Variants in MSI1 observed in about 807,000 individuals in gnomAD.
MSI1 encodes the protein RNA-binding protein Musashi homolog 1.
MSI1 carries 15 observed loss-of-function variants against 54.4 expected under a neutral mutation model. The observed-to-expected ratio is 0.28, with a 90% CI of 0.18 to 0.42. The LOEUF (loss-of-function observed/expected upper bound fraction) is 0.42. Among genes scored for constraint, MSI1 ranks in the 20% least tolerant of loss-of-function variants. The pLI is 1.00. For synonymous variants in MSI1, 200 were observed against 196.5 expected, an observed-to-expected ratio of 1.02 and a Z score of -0.15; for missense variants, 304 against 506.0, an observed-to-expected ratio of 0.60 and a Z score of 3.83.
At position 120,368,314 on chromosome 12, in the gene MSI1, C is replaced by T; in HGVS notation, c.101-41G>A. 1.4e-6 allele frequency: 2 copies of T among 1,465,838 alleles called. No individual in the cohort carries two copies. The highest frequency in any genetic ancestry group is 2.4e-5 in the Admixed American group (1 of 42,206). The allele number at this position is 1,465,838 out of a possible 1,614,324, so 90.8% of individuals were successfully genotyped here. ...CGCCTTCGGACCAGCCCGGGCCCCG[C>T]GCCCTTCCCCCCCCCCCGTCCTTTG... On this transcript the variant is annotated intron_variant, in intron 2 of 14. Transcript: ENST00000257552. The surrounding 1 kb of genome is among the most constrained non-coding windows in gnomAD (Gnocchi z 6.6).
chr12:120,353,886 T>C (rs1874851632), intron 9 of MSI1, among the ~76,000 whole-genome samples: 1 of 152,236 alleles, frequency 6.6e-6, no homozygotes, highest in Non-Finnish European at 1.5e-5. Flanking sequence ...CATCTTCCCA[T>C]AGGTGTCCTC....
In MSI1 at chr12:120,354,142, T is replaced by C. The variant is rs375646638; in HGVS notation, c.653-763A>G. On this transcript the variant is annotated intron_variant, in intron 9 of 14. Transcript: ENST00000257552. ...TGTGACTACAAGGTGTGTGCTGCTATGCCTGGCTAATTTTTAATTTTTTTG... is the reference window on the plus strand; with the variant it reads ...TGTGACTACAAGGTGTGTGCTGCTACGCCTGGCTAATTTTTAATTTTTTTG... Among the ~76,000 whole-genome samples, 4 of 152,052 alleles carry C rather than the reference T, an allele frequency of 2.6e-5. No homozygotes were observed. In the South Asian group the frequency reaches 8.3e-4, roughly 32 times the overall value.
In MSI1 at chr12:120,368,512, G is replaced by A. The variant is rs1876172043; in HGVS notation, c.101-239C>T. Among the ~76,000 whole-genome samples, 1 of 152,054 alleles carries A rather than the reference G, an allele frequency of 6.6e-6. No individual in the cohort carries two copies. The highest frequency in any genetic ancestry group is 2.1e-4 in the South Asian group (1 of 4,832). On this transcript the variant is annotated intron_variant, in intron 2 of 14. Coordinates refer to ENST00000257552, the MANE Select transcript of MSI1 (RefSeq NM_002442.4). This position sits in a 1 kb window ranked among gnomAD's most constrained non-coding sequence, Gnocchi z 6.6. ...GCTGGAAGGGGGACGGCTCCGGCCG[G>A]GTTCCCGCCGCTCCGGGAGCAGCCT...
Position 120,357,027 on chromosome 12 carries a change from G to A in MSI1, c.535-8C>T, listed in dbSNP as rs1433047632. 1.4e-5 allele frequency: 22 copies of A among 1,612,058 alleles called. No homozygotes were observed. Among genetic ancestry groups the A allele is most frequent in the Non-Finnish European group, 1.8e-5 (21 of 1,178,176 alleles). On this transcript the variant is annotated splice_region_variant and splice_polypyrimidine_tract_variant and intron_variant, in intron 8 of 14. Transcript: ENST00000257552. ...AGCTTTCTTACATTCCACCTGCAAT[G>A]AGACCTGGCGGTTAGTCTTTCCCAC...
At chr12:120,350,099 G>A (rs537444833) in intron 11 of MSI1, among the ~76,000 whole-genome samples, 11 of 152,164 alleles carry the variant, frequency 7.2e-5, no homozygotes, top group African/African-American at 2.4e-4. Flanking sequence ...ATGGCTCACC[G>A]CAGCCTTCAC....
chr12:120,346,067 C>T (rs188177542), intron 13 of MSI1, 68 bp downstream of exon 13: 17,464 of 1,355,960 alleles, frequency 0.013, 151 homozygotes, highest in Non-Finnish European at 0.015. Flanking sequence ...AGTTCTCTCC[C>T]TTCCCCAACT....
intron 11 of MSI1, among the ~76,000 whole-genome samples, chr12:120,349,739 G>A (rs932091877): frequency 6.6e-6 from 1 of 152,250 alleles, no homozygotes; most frequent in African/African-American, 2.4e-5. Flanking sequence ...CCCAAGCACT[G>A]TTGATCTTGT....
Position 120,347,484 on chromosome 12 carries a change from G to A in MSI1, c.821C>T (p.Ala274Val), listed in dbSNP as rs138291229. 3.8e-5 allele frequency: 61 copies of A among 1,614,104 alleles called. No homozygotes were observed. Among genetic ancestry groups the A allele is most frequent in the African/African-American group, 6.7e-5 (5 of 75,054 alleles). The change falls in exon 12 of 15, where the codon GCG becomes GTG. Residue 274 changes from alanine (A) to valine (V), a missense_variant. Physicochemically the swap from Ala to Val is moderately conservative, Grantham distance 64. Coordinates refer to ENST00000257552, the MANE Select transcript of MSI1 (RefSeq NM_002442.4). ...AIPLTAYGPM[A>V]AAAAAAAVVR... is the part of the protein sequence containing the mutation. ...CACAGCCGCTGCCGCCGCTGCCGCCGCCATTGGTCCGTAGGCAGTGAGAGG... is the reference window on the plus strand; with the variant it reads ...CACAGCCGCTGCCGCCGCTGCCGCCACCATTGGTCCGTAGGCAGTGAGAGG...
chr12:120,363,549 C>T (rs1332915219), intron 5 of MSI1, among the ~76,000 whole-genome samples: 1 of 151,154 alleles, frequency 6.6e-6, no homozygotes, highest in Non-Finnish European at 1.5e-5. Flanking sequence ...AGCCTCCTCC[C>T]AACACAACCT....
intron 8 of MSI1, among the ~76,000 whole-genome samples, chr12:120,357,305 T>A (rs1201597025): frequency 6.6e-6 from 1 of 152,158 alleles, no homozygotes; most frequent in Non-Finnish European, 1.5e-5. Flanking sequence ...AGGGAGGTCA[T>A]CTGCCTGATT....
chr12:120,353,451 G>A lies in MSI1; in HGVS notation c.653-72C>T. ...ATCCTGATCATGGAGAAGGACCTGA[G>A]CCACTCATGTCCCCTCACCTTCCTT... On this transcript the variant is annotated intron_variant, in intron 9 of 14. Transcript: ENST00000257552. 5 of 1,330,944 alleles carry A rather than the reference G, an allele frequency of 3.8e-6. No homozygotes were observed. In the South Asian group the frequency reaches 5.9e-5, roughly 16 times the overall value. 82.4% of individuals were successfully genotyped at this position (1,330,944 alleles called of 1,614,324 possible).
intron 6 of MSI1, among the ~76,000 whole-genome samples, chr12:120,360,823 CCTT>C (rs780170793): frequency 2.9e-4 from 22 of 75,074 alleles, no homozygotes; most frequent in Non-Finnish European, 4.8e-4. Context: ...ATGAAAGACA[CCTT>C]TTTTTTTTTT....
At chr12:120,364,476 T>C (rs1299311587) in intron 5 of MSI1, among the ~76,000 whole-genome samples, 1 of 151,896 alleles carries the variant, frequency 6.6e-6, no homozygotes, top group Non-Finnish European at 1.5e-5. Flanking sequence ...AGCTCCCCTT[T>C]CTCCCAACAC....
intron 4 of MSI1, among the ~76,000 whole-genome samples, chr12:120,367,774 C>A (rs1159775355): frequency 6.6e-6 from 1 of 151,988 alleles, no homozygotes; most frequent in East Asian, 1.9e-4. Context: ...CCTCTCCCCT[C>A]ACCAGGACTA....
intron 14 of MSI1, 94 bp downstream of exon 14, chr12:120,345,465 ACTGTGGTTCTT>A: frequency 1.1e-6 from 1 of 950,782 alleles, no homozygotes; most frequent in South Asian, 1.4e-5. Context: ...CTCCCCTGGG[ACTGTGGTTCTT>A]GAGGGCAGGG....
chr12:120,361,415 C>T (rs1325262106), intron 6 of MSI1: 2 of 152,300 alleles, frequency 1.3e-5, no homozygotes, highest in Non-Finnish European at 2.9e-5. Context: ...CTGGAGAGGC[C>T]CCTAGTGGGA....
Position 120,368,150 on chromosome 12 carries a change from G to A in MSI1, c.182+42C>T. 1 of 1,584,474 alleles carries A rather than the reference G, an allele frequency of 6.3e-7. No individual in the cohort carries two copies. Among genetic ancestry groups the A allele is most frequent in the Non-Finnish European group, 8.6e-7 (1 of 1,164,982 alleles). Reference sequence around the variant, plus strand: ...TACAAGGCAGTGAGTGGCGGGTGGAGGGGGGCGAGCCGGGAGCAGGAGGAG... The same window carrying A: ...TACAAGGCAGTGAGTGGCGGGTGGAAGGGGGCGAGCCGGGAGCAGGAGGAG... On this transcript the variant is annotated intron_variant, in intron 3 of 14. Transcript: ENST00000257552. This position sits in a 1 kb window ranked among gnomAD's most constrained non-coding sequence, Gnocchi z 6.6.
rs7132232 is a variant in MSI1, at chr12:120,365,090, T to C, written c.268-335A>G. Among the ~76,000 whole-genome samples the C allele has an allele frequency of 9.8e-4, 149 of 152,208 alleles. 1 individual carries two copies. Among genetic ancestry groups the C allele is most frequent in the African/African-American group, 3.4e-3 (143 of 41,534 alleles). ...CACACCCAGCTAATTTTTGTATTTT[T>C]AGTAGAGACGGGGTTTCACCATGTT... is the stretch of plus-strand genomic sequence containing the variant. On this transcript the variant is annotated intron_variant, in intron 4 of 14. Coordinates refer to ENST00000257552, the MANE Select transcript of MSI1 (RefSeq NM_002442.4).
chr12:120,346,052 A>T, intron 13 of MSI1, 83 bp downstream of exon 13: 1 of 1,254,360 alleles, frequency 8.0e-7, no homozygotes, highest in Non-Finnish European at 1.1e-6. Flanking sequence ...CCCCAGAGAC[A>T]AAGAAGTTCT....
Sources: gnomAD v4.1 joint callset for allele counts (sites outside exome capture counted in the v4.1 genomes callset) on GRCh38, gnomAD v4.1.1 for gene constraint, Gnocchi (gnomAD v3.1) non-coding constraint, MANE v1.5 for transcripts, NCBI Gene and HGNC (gene_info 2026-07-23, HGNC 2026-07-21) for gene names.